Variants in CILP observed in about 807,000 individuals in gnomAD.
The protein encoded by CILP is cartilage intermediate layer protein 1.
Under a neutral mutation model 82.5 loss-of-function variants are expected in CILP, and 75 were observed. The observed-to-expected ratio is 0.91, with a 90% CI of 0.75 to 1.10. The LOEUF is 1.10. Among genes scored for constraint, CILP ranks in the 50% least tolerant of loss-of-function variants. The probability of loss-of-function intolerance (pLI) is 0.00; values close to 1 mark genes in which losing one functional copy is unlikely to be tolerated. For synonymous variants in CILP, 530 were observed against 580.3 expected, an observed-to-expected ratio of 0.91 and a Z score of 1.25; for missense variants, 1,479 against 1,530.8, an observed-to-expected ratio of 0.97 and a Z score of 0.56.
In CILP at chr15:65,205,282, G is replaced by A; in HGVS notation, c.604+5C>T. On this transcript the variant is annotated splice_donor_5th_base_variant and intron_variant, in intron 5 of 8. Transcript: ENST00000261883. ...CCTGCCCAGTGCCAGGAGGGAGGGT[G>A]GTACCTGTACAGTCCTGGCCCATGC... 1 of 1,588,730 alleles carries A rather than the reference G, an allele frequency of 6.3e-7. No homozygotes were observed. The highest frequency in any genetic ancestry group is 1.7e-5 in the Admixed American group (1 of 58,828).
chr15:65,202,803 C>G (rs1370981980), intron 7 of CILP, among the ~76,000 whole-genome samples: 1 of 149,934 alleles, frequency 6.7e-6, no homozygotes, highest in African/African-American at 2.5e-5. Flanking sequence ...AGTCTGGACC[C>G]CAAGACCAGA....
Position 65,198,968 on chromosome 15 carries a change from G to T in CILP, c.1318C>A (p.Gln440Lys). ...GRCPVKTCAG[Q>K]QDNGIRCRDA... Reference sequence around the variant, plus strand: ...CGGCACCTGATCCCATTATCCTGCTGCCCTGCACAAGTCTTAACAGGGCAG... The same window carrying T: ...CGGCACCTGATCCCATTATCCTGCTTCCCTGCACAAGTCTTAACAGGGCAG... The change falls in exon 9 of 9, where the codon CAG (glutamine) becomes AAG (lysine). Residue 440 changes from glutamine to lysine, a missense_variant. By Grantham distance (53) the Gln-to-Lys change is moderately conservative (BLOSUM62 1). Transcript: ENST00000261883. 1 of 1,613,634 alleles carries T rather than the reference G, an allele frequency of 6.2e-7. No individual in the cohort carries two copies. Among genetic ancestry groups the T allele is most frequent in the Non-Finnish European group, 8.5e-7 (1 of 1,180,020 alleles).
intron 8 of CILP, among the ~76,000 whole-genome samples, chr15:65,199,542 G>A (rs1224422363): frequency 1.3e-5 from 2 of 152,198 alleles, no homozygotes; most frequent in African/African-American, 4.8e-5. Context: ...CAGAGCTTTG[G>A]CCGGATGCAG....
chr15:65,201,069 T>C lies in CILP; in HGVS notation c.1186+803A>G, dbSNP rs375892349. ...CAGGCTGGAGTGCAGTGGCGTGAAC[T>C]CGGCTCACTGCAACCTCTGCCTCCT... On this transcript the variant is annotated intron_variant, in intron 8 of 8. Transcript: ENST00000261883. Among the ~76,000 whole-genome samples, 14 of 152,098 alleles carry C rather than the reference T, an allele frequency of 9.2e-5. No homozygotes were observed. The East Asian group carries it at 1.5e-3, about 17-fold the overall frequency.
rs2679117 is a variant in CILP at position 65,197,350 on chromosome 15, T to C, written c.2936A>G (p.Gln979Arg). 1 allele frequency: 1,610,911 copies of C among 1,614,202 alleles called. 803,869 individuals are homozygous for C. Among genetic ancestry groups the C allele is most frequent in the South Asian group, 1 (91,079 of 91,082 alleles). The change falls in exon 9 of 9, where the codon CAG becomes CGG. Residue 979 changes from glutamine to arginine, a missense_variant. Coordinates refer to ENST00000261883, the MANE Select transcript of CILP (RefSeq NM_003613.4). ...RSRNMGGTHR[Q>R]TVGKLYGIRD... Reference sequence around the variant, plus strand: ...GATTCCATACAGCTTCCCCACTGTCTGCCGATGAGTGCCCCCCATGTTGCG... The same window carrying C: ...GATTCCATACAGCTTCCCCACTGTCCGCCGATGAGTGCCCCCCATGTTGCG...
intron 2 of CILP, 53 bp downstream of exon 2, chr15:65,209,642 A>G: frequency 6.3e-7 from 1 of 1,575,104 alleles, no homozygotes; most frequent in Non-Finnish European, 8.7e-7. Flanking sequence ...ACCAGACACA[A>G]CCTCACTGTG....
rs373527529 is a variant in CILP at position 65,206,718 on chromosome 15, C to G, written c.424+64G>C. On this transcript the variant is annotated intron_variant, in intron 4 of 8. Transcript: ENST00000261883. Reference sequence around the variant, plus strand: ...GAGTTCTGGTGGCCAGAGGCAGGTTCTCCCTCTCCCTGAGTAGAGGCCAGT... The same window carrying G: ...GAGTTCTGGTGGCCAGAGGCAGGTTGTCCCTCTCCCTGAGTAGAGGCCAGT... The G allele has an allele frequency of 2.2e-4, 331 of 1,539,044 alleles. 1 individual carries two copies. The African/African-American group carries it at 3.5e-3, about 16-fold the overall frequency.
rs1335628550 is a variant in CILP at position 65,198,385 on chromosome 15, G to A, written c.1901C>T (p.Thr634Ile). 3 of 1,614,230 alleles carry A rather than the reference G, an allele frequency of 1.9e-6. No homozygotes were observed. Among genetic ancestry groups the A allele is most frequent in the East Asian group, 4.5e-5 (2 of 44,884 alleles). The change falls in exon 9 of 9, where the codon ACA (threonine) becomes ATA (isoleucine). Residue 634 changes from threonine to isoleucine, a missense_variant. Coordinates refer to ENST00000261883, the MANE Select transcript of CILP (RefSeq NM_003613.4). ...CAGGTCAGTCTGGGCAGCTGTGGCTGTGGAAATATTCCGGGGATCCAGGAA... is the reference window on the plus strand; with the variant it reads ...CAGGTCAGTCTGGGCAGCTGTGGCTATGGAAATATTCCGGGGATCCAGGAA... Reference protein sequence around the residue: ...VTFLDPRNISTATAAQTDLNF... With the variant: ...VTFLDPRNISIATAAQTDLNF...
chr15:65,206,649 G>A (rs1595960496), intron 4 of CILP, 133 bp downstream of exon 4: 18 of 996,514 alleles, frequency 1.8e-5, no homozygotes, highest in Non-Finnish European at 2.7e-5. Context: ...GTCACTACTT[G>A]TTATTATTAC....
At position 65,199,060 on chromosome 15, in the gene CILP, T is replaced by C. The variant is rs771998538; in HGVS notation, c.1226A>G (p.Tyr409Cys). ...GCAATCATGGGGCAGCCGGATAAGA[T>C]AGCTCTCAGGAACTGGGTTGCAAGG... ...ETPCNPVPES[Y>C]LIRLPHDCFQ... Residue 409 changes from tyrosine to cysteine, a missense_variant, in exon 9 of 9, where the codon TAT becomes TGT. By Grantham distance (194) the Tyr-to-Cys change is radical. Coordinates refer to ENST00000261883, the MANE Select transcript of CILP (RefSeq NM_003613.4). The C allele has an allele frequency of 5.1e-5, 82 of 1,599,852 alleles. 3 individuals are homozygous for C. In the South Asian group the frequency reaches 7.9e-4, roughly 15 times the overall value.
chr15:65,198,089 T>G lies in CILP; in HGVS notation c.2197A>C (p.Asn733His). The change falls in exon 9 of 9, where the codon AAC (asparagine) becomes CAC (histidine). Residue 733 changes from asparagine to histidine, a missense_variant. Coordinates refer to ENST00000261883, the MANE Select transcript of CILP (RefSeq NM_003613.4). ...KREDRTFLVG[N>H]LEIRERRLFN... ...AGCCTCCTCTCACGAATCTCCAGGTTGCCCACCAGGAAGGTTCTGTCTTCT... is the reference window on the plus strand; with the variant it reads ...AGCCTCCTCTCACGAATCTCCAGGTGGCCCACCAGGAAGGTTCTGTCTTCT... 2.5e-6 allele frequency: 4 copies of G among 1,614,254 alleles called. No homozygotes were observed. The highest frequency in any genetic ancestry group is 1.6e-4 in the Middle Eastern group (1 of 6,062).
chr15:65,206,118 C>T (rs530308621), intron 4 of CILP, among the ~76,000 whole-genome samples: 16 of 152,292 alleles, frequency 1.1e-4, no homozygotes, highest in South Asian at 4.1e-4. Flanking sequence ...TCTGCAAACA[C>T]GGACATGGTT....
At chr15:65,203,136 C>A (rs2088478723) in intron 7 of CILP, among the ~76,000 whole-genome samples, 1 of 152,162 alleles carries the variant, frequency 6.6e-6, no homozygotes, top group Non-Finnish European at 1.5e-5. Context: ...TGTGCCCGGC[C>A]AAAGGGTTCC....
In CILP at chr15:65,209,793, A is replaced by G; in HGVS notation, c.-38T>C. On this transcript the variant is annotated 5_prime_UTR_variant, in exon 2 of 9. Transcript: ENST00000261883. ...CCCGTGGGAACGTGGCAAGAGGTAG[A>G]TGTGGGTGCTTCACAGAGTCACTGA... The G allele has an allele frequency of 1.3e-6, 2 of 1,599,046 alleles. No homozygotes were observed. The highest frequency in any genetic ancestry group is 3.3e-5 in the Admixed American group (2 of 59,944).
In CILP at chr15:65,197,429, C is replaced by G. The variant is rs1485987629; in HGVS notation, c.2857G>C (p.Ala953Pro). 1 of 1,614,120 alleles carries G rather than the reference C, an allele frequency of 6.2e-7. No homozygotes were observed. The highest frequency in any genetic ancestry group is 2.2e-5 in the East Asian group (1 of 44,898). Residue 953 changes from alanine to proline, a missense_variant, in exon 9 of 9, where the codon GCC becomes CCC. Coordinates refer to ENST00000261883, the MANE Select transcript of CILP (RefSeq NM_003613.4). ...ACAATCTTCACCTTGATATAGCAGG[C>G]CCTGAATTCCATCGGCTTTGGCCAC... ...AWWPKPMEFR[A>P]CYIKVKIVGP...
At position 65,197,905 on chromosome 15, in the gene CILP, C is replaced by A. The variant is rs760197046; in HGVS notation, c.2381G>T (p.Gly794Val). ...TGFLSNPRAW[G>V]RFDSVITGPN... ...GCCTGTGATGACACTGTCAAAGCGG[C>A]CCCAGGCCCTAGGGTTGGACAAGAA... Residue 794 changes from glycine to valine, a missense_variant, in exon 9 of 9, where the codon GGC becomes GTC. Gly to Val is a moderately radical substitution (Grantham distance 109, BLOSUM62 -3). Transcript: ENST00000261883. The A allele has an allele frequency of 5.0e-6, 8 of 1,614,076 alleles. No homozygotes were observed. The highest frequency in any genetic ancestry group is 6.8e-6 in the Non-Finnish European group (8 of 1,180,016).
intron 3 of CILP, 38 bp downstream of exon 3, chr15:65,207,634 T>A: frequency 1.3e-6 from 2 of 1,578,876 alleles, no homozygotes; most frequent in South Asian, 2.2e-5. Context: ...CGTTAAAGGC[T>A]GCCCCTCCAG....
In CILP at chr15:65,206,405, C is replaced by T. The variant is rs767292752; in HGVS notation, c.424+377G>A. ...TTACCCAGGTGTCACATATGAGAAA[C>T]CTGAAACTAAGAGAATTTCAGAAAA... On this transcript the variant is annotated intron_variant, in intron 4 of 8. Transcript: ENST00000261883. Among the ~76,000 whole-genome samples the T allele has an allele frequency of 7.7e-4, 117 of 152,134 alleles. 1 individual carries two copies. Among genetic ancestry groups the T allele is most frequent in the African/African-American group, 2.7e-3 (113 of 41,430 alleles).
intron 4 of CILP, among the ~76,000 whole-genome samples, chr15:65,205,817 G>A (rs2088512706): frequency 3.9e-5 from 6 of 152,176 alleles, no homozygotes; most frequent in Admixed American, 3.9e-4. Flanking sequence ...GGACTCCCTG[G>A]GAATCAGGGA....
Sources: allele counts gnomAD v4.1 joint callset (sites outside exome capture counted in the v4.1 genomes callset), GRCh38; gene constraint gnomAD v4.1.1; transcripts MANE v1.5; gene names NCBI Gene and HGNC (gene_info 2026-07-23, HGNC 2026-07-21).